Variants in MS4A18 observed in about 807,000 individuals in gnomAD.
The protein encoded by MS4A18 is membrane spanning 4-domains A18, also known as membrane-spanning 4-domains subfamily A member 18.
A neutral mutation model predicts 13.1 loss-of-function variants in MS4A18; 27 were observed. The observed-to-expected ratio is 2.06, with a 90% CI of 1.52 to 2.84. The LOEUF is 2.84. Among genes scored for constraint, MS4A18 ranks in the 30% most tolerant of loss-of-function variants. The probability of loss-of-function intolerance (pLI) is 0.00; values close to 1 mark genes in which losing one functional copy is unlikely to be tolerated. For missense variants in MS4A18, 307 were observed against 196.4 expected, an observed-to-expected ratio of 1.56 and a Z score of -3.37; for synonymous variants, 126 against 76.5, an observed-to-expected ratio of 1.65 and a Z score of -3.38.
At chr11:60,739,365 G>A (rs976901373) in intron 4 of MS4A18, among the ~76,000 whole-genome samples, 1 of 152,114 alleles carries the variant, frequency 6.6e-6, no homozygotes, top group Non-Finnish European at 1.5e-5. Flanking sequence ...ACAAACAGGA[G>A]GTGCGGATGC....
intron 5 of MS4A18, among the ~76,000 whole-genome samples, chr11:60,743,243 G>A (rs2134683223): frequency 6.6e-6 from 1 of 152,322 alleles, no homozygotes; most frequent in South Asian, 2.1e-4. Context: ...GGGTCTGCTG[G>A]GCAGTTCTTC....
At chr11:60,741,314 T>C (rs781371278) in intron 5 of MS4A18, among the ~76,000 whole-genome samples, 171 bp downstream of exon 6, 7 of 152,158 alleles carry the variant, frequency 4.6e-5, no homozygotes, top group Non-Finnish European at 8.8e-5. Context: ...GTTATTTAGC[T>C]CTTTATTCTG....
At chr11:60,724,737 C>T (rs2088403837), upstream of MS4A18, among the ~76,000 whole-genome samples, 1 of 152,220 alleles carries the variant, frequency 6.6e-6, no homozygotes, top group Non-Finnish European at 1.5e-5. Flanking sequence ...CTAGATCAGG[C>T]TGCAGAAACC....
upstream of MS4A18, among the ~76,000 whole-genome samples, chr11:60,728,047 T>G (rs997806987): frequency 1.3e-5 from 2 of 152,148 alleles, no homozygotes; most frequent in African/African-American, 4.8e-5. Context: ...CCATAATGGT[T>G]TAAACACAAG....
chr11:60,728,425 T>C (rs1853197196), upstream of MS4A18, among the ~76,000 whole-genome samples: 1 of 151,752 alleles, frequency 6.6e-6, no homozygotes, highest in African/African-American at 2.4e-5. Context: ...TGTGTGTGTG[T>C]GTGTGTATCT....
rs184472206 is a variant in MS4A18 at position 60,733,030 on chromosome 11, G to A, written c.478-504G>A. ...AATCAGATTCATCACATGAATTTCGGCCGACAACTATCTGAGAACGATGTT... is the reference window on the plus strand; with the variant it reads ...AATCAGATTCATCACATGAATTTCGACCGACAACTATCTGAGAACGATGTT... On this transcript the variant is annotated intron_variant, in intron 1 of 5. Coordinates refer to ENST00000529108, the Ensembl canonical transcript of MS4A18. Among the ~76,000 whole-genome samples, 320 of 152,294 alleles carry A rather than the reference G, an allele frequency of 2.1e-3. 1 individual carries two copies. Among genetic ancestry groups the A allele is most frequent in the African/African-American group, 7.1e-3 (297 of 41,570 alleles).
chr11:60,735,114 C>A (rs1165888770), intron 2 of MS4A18, among the ~76,000 whole-genome samples: 3 of 152,080 alleles, frequency 2.0e-5, no homozygotes, highest in Admixed American at 6.5e-5. Flanking sequence ...TGCTAGTAAA[C>A]CAAACACTTG....
exon 1 of MS4A18, chr11:60,729,582 C>A: frequency 2.8e-6 from 2 of 702,752 alleles, no homozygotes; most frequent in Non-Finnish European, 5.2e-6. Flanking sequence ...TGGGAACAGC[C>A]AGTTTGCAGA....
At chr11:60,736,432 T>C (rs1352395310) in intron 2 of MS4A18, among the ~76,000 whole-genome samples, 2 of 152,106 alleles carry the variant, frequency 1.3e-5, no homozygotes, top group Admixed American at 6.5e-5. Context: ...TTACTGCTTC[T>C]GATGTTCATG....
In MS4A18 at chr11:60,743,636, C is replaced by T. The variant is rs981703145; in HGVS notation, c.859-14C>T. The T allele has an allele frequency of 2.9e-6, 2 of 700,988 alleles. No homozygotes were observed. Among genetic ancestry groups the T allele is most frequent in the African/African-American group, 3.5e-5 (2 of 57,236 alleles). 43.4% of individuals were successfully genotyped at this position (700,988 alleles called of 1,614,324 possible). On this transcript the variant is annotated splice_polypyrimidine_tract_variant and intron_variant, in intron 5 of 5. Transcript: ENST00000529108. ...ACAGAGGAAGATGACGACCACATGT[C>T]CTTTGTCTTTCAGAATGTGGCAGTG...
At chr11:60,740,402 C>A (rs1853398174) in intron 4 of MS4A18, among the ~76,000 whole-genome samples, 1 of 152,172 alleles carries the variant, frequency 6.6e-6, no homozygotes, top group Non-Finnish European at 1.5e-5. Context: ...TTGACAGAAT[C>A]CCTTGAAGCT....
chr11:60,730,342 G>A (rs1335279655), intron 1 of MS4A18, among the ~76,000 whole-genome samples: 2 of 152,224 alleles, frequency 1.3e-5, no homozygotes, highest in Non-Finnish European at 2.9e-5. Context: ...TTTTGAGGCA[G>A]AAGCCAGATG....
At chr11:60,733,429 A>G (rs1335422651) in intron 1 of MS4A18, 105 bp from the exon 3 acceptor site, 17 of 677,348 alleles carry the variant, frequency 2.5e-5, no homozygotes, top group Middle Eastern at 4.8e-4. Context: ...CCCAACACCA[A>G]TCACCCCTGG....
chr11:60,739,097 C>A, intron 4 of MS4A18, 100 bp downstream of exon 5: 1 of 658,922 alleles, frequency 1.5e-6, no homozygotes, highest in Non-Finnish European at 2.7e-6. Context: ...GAATTCCATC[C>A]TAGTATGACA....
exon 2 of MS4A18, chr11:60,733,582 C>A: frequency 1.4e-6 from 1 of 703,532 alleles, no homozygotes. Context: ...TGCAATTAAC[C>A]CTGTGCTGTA....
chr11:60,738,094 C>T (rs892416675), intron 3 of MS4A18, among the ~76,000 whole-genome samples: 4 of 152,306 alleles, frequency 2.6e-5, no homozygotes, highest in South Asian at 2.1e-4. Flanking sequence ...TCTCAACTTC[C>T]GTTTCTACTT....
At chr11:60,733,612 T>C (rs1373256820) in exon 2 of MS4A18, 3 of 703,690 alleles carry the variant, frequency 4.3e-6, no homozygotes, top group Non-Finnish European at 7.8e-6. Context: ...TTTTGTGACC[T>C]GGTTGTCAGG....
At chr11:60,730,465 G>A (rs946979591) in intron 1 of MS4A18, among the ~76,000 whole-genome samples, 13 of 152,180 alleles carry the variant, frequency 8.5e-5, no homozygotes, top group African/African-American at 3.1e-4. Flanking sequence ...GCAAGGAGCT[G>A]GAGACTCAGA....
chr11:60,734,223 T>G (rs1389569585), intron 2 of MS4A18, among the ~76,000 whole-genome samples: 1 of 151,928 alleles, frequency 6.6e-6, no homozygotes, highest in South Asian at 2.1e-4. Flanking sequence ...ACCACTGCAC[T>G]CCAGCCTGGG....
Sources: allele counts gnomAD v4.1 joint callset (sites outside exome capture counted in the v4.1 genomes callset), GRCh38; gene constraint gnomAD v4.1.1; transcripts MANE v1.5; gene names NCBI Gene and HGNC (gene_info 2026-07-23, HGNC 2026-07-21).